The following PINX1 variants were observed in gnomAD, a reference collection of about 807,000 sequenced individuals.
PINX1 encodes PIN2/TERF1-interacting telomerase inhibitor 1.
A neutral mutation model predicts 25.4 loss-of-function variants in PINX1; 34 were observed. The ratio of observed to expected loss-of-function variants is 1.34; its 90% CI spans 1.02 to 1.78. PINX1 has a LOEUF of 1.78. Among genes scored for constraint, PINX1 ranks in the 40% most tolerant of loss-of-function variants. PINX1 has a pLI of 0.00. For missense variants in PINX1, 592 were observed against 404.9 expected (o/e 1.46, Z -3.97); for synonymous variants, 197 against 147.7 (o/e 1.33, Z -2.42).
intron 6 of PINX1, among the ~76,000 whole-genome samples, chr8:10,809,729 C>T (rs1357897215): frequency 6.6e-6 from 1 of 152,234 alleles, no homozygotes; most frequent in Non-Finnish European, 1.5e-5. Context: ...ACTGACAGCA[C>T]ACTCATCAAA....
intron 6 of PINX1, among the ~76,000 whole-genome samples, chr8:10,816,688 G>C (rs1305097216): frequency 2.0e-5 from 3 of 152,232 alleles, no homozygotes; most frequent in Non-Finnish European, 2.9e-5. Context: ...TCAACCACTG[G>C]TGTCTCTGGT....
chr8:10,795,455 C>A (rs1049889806), intron 6 of PINX1, among the ~76,000 whole-genome samples: 1 of 152,210 alleles, frequency 6.6e-6, no homozygotes, highest in East Asian at 1.9e-4. Flanking sequence ...GGCTGGAGTG[C>A]GGTGGCGCGA....
At chr8:10,810,580 C>G (rs1797473659) in intron 6 of PINX1, among the ~76,000 whole-genome samples, 1 of 152,112 alleles carries the variant, frequency 6.6e-6, no homozygotes, top group Admixed American at 6.5e-5. Context: ...AGGCATAATT[C>G]TAGATATGAG....
Position 10,772,499 on chromosome 8 carries a change from G to A in PINX1, c.472-6583C>T, listed in dbSNP as rs569307571. Among the ~76,000 whole-genome samples the A allele has an allele frequency of 1.1e-4, 16 of 152,344 alleles. No individual in the cohort carries two copies. In the South Asian group the frequency reaches 3.1e-3, roughly 30 times the overall value. On this transcript the variant is annotated intron_variant, in intron 6 of 6. Transcript: ENST00000314787. ...ACACCCAGTGTTTTATTGATGAACA[G>A]CTATTTTTACACTCACAAAAAGCTT... is the stretch of plus-strand genomic sequence containing the variant.
At chr8:10,815,868 G>C (rs1040562059) in intron 6 of PINX1, among the ~76,000 whole-genome samples, 1 of 152,164 alleles carries the variant, frequency 6.6e-6, no homozygotes, top group Non-Finnish European at 1.5e-5. Flanking sequence ...TCATAAAATA[G>C]AAAATAACAC....
intron 6 of PINX1, among the ~76,000 whole-genome samples, chr8:10,812,075 G>A (rs1320547827): frequency 6.6e-6 from 1 of 152,196 alleles, no homozygotes; most frequent in East Asian, 1.9e-4. Flanking sequence ...TACCCAAGGT[G>A]AAGGTAACTT....
chr8:10,838,094 G>A (rs1490988840), intron 1 of PINX1, among the ~76,000 whole-genome samples: 1 of 152,192 alleles, frequency 6.6e-6, no homozygotes, highest in Non-Finnish European at 1.5e-5. Context: ...TCCGTTTACT[G>A]TCCATAAATA....
chr8:10,796,981 G>A (rs113671577), intron 6 of PINX1, among the ~76,000 whole-genome samples: 16 of 151,978 alleles, frequency 1.1e-4, no homozygotes, highest in Non-Finnish European at 2.4e-4. Flanking sequence ...GGGAAACTCT[G>A]CCCTACAGCA....
At position 10,834,711 on chromosome 8, in the gene PINX1, C is replaced by T. The variant is rs749176271; in HGVS notation, c.84G>A (p.Lys28=). The change falls in exon 2 of 7, where the codon AAG becomes AAA. Residue 28 remains lysine, a synonymous_variant. Transcript: ENST00000314787. ...TCTTCTCTAGCATCCGCTGGCCAAA[C>T]TTGGAATCGTCATTACTCCAGGCAG... The part of the protein sequence containing the change: ...QNTAWSNDDS[K]FGQRMLEKMG... 6.2e-7 allele frequency: 1 copy of T among 1,613,986 alleles called. No homozygotes were observed.
intron 6 of PINX1, among the ~76,000 whole-genome samples, chr8:10,798,832 A>G (rs1802171988): frequency 6.6e-6 from 1 of 152,200 alleles, no homozygotes. Context: ...CAGAGCCTAC[A>G]ATATGCATTT....
intron 6 of PINX1, among the ~76,000 whole-genome samples, chr8:10,784,458 C>T (rs1037788694): frequency 7.9e-5 from 12 of 152,198 alleles, no homozygotes; most frequent in African/African-American, 2.9e-4. Context: ...ACTAACTGCA[C>T]TGATTCCCAA....
At position 10,765,577 on chromosome 8, in the gene PINX1, T is replaced by C. The variant is rs1317983005; in HGVS notation, c.811A>G (p.Lys271Glu). The C allele has an allele frequency of 1.9e-6, 3 of 1,613,604 alleles. No individual in the cohort carries two copies. Among genetic ancestry groups the C allele is most frequent in the Non-Finnish European group, 2.5e-6 (3 of 1,179,878 alleles). ...TCCCCTGCATCCTGAGCAGAGGCCT[T>C]GGAACTCTGGTCCCAGCAGGGGCCT... ...LRGPCWDQSS[K>E]ASAQDAGDHV... The change falls in exon 7 of 7, where the codon AAG (lysine) becomes GAG (glutamate). Residue 271 changes from lysine to glutamate, a missense_variant. Physicochemically the swap from Lys to Glu is moderately conservative, Grantham distance 56. Coordinates refer to ENST00000314787, the MANE Select transcript of PINX1 (RefSeq NM_017884.6).
chr8:10,783,202 C>A (rs368418718), intron 6 of PINX1, among the ~76,000 whole-genome samples: 3 of 152,204 alleles, frequency 2.0e-5, no homozygotes, highest in East Asian at 3.9e-4. Context: ...TAATAGTATG[C>A]AATTACTATA....
chr8:10,818,649 T>C lies in PINX1; in HGVS notation c.471+1544A>G, dbSNP rs1470775664. 2.0e-5 allele frequency among the ~76,000 whole-genome samples: 3 copies of C among 151,882 alleles called. No homozygotes were observed. The East Asian group carries it at 5.8e-4, about 29-fold the overall frequency. On this transcript the variant is annotated intron_variant, in intron 6 of 6. Transcript: ENST00000314787. Reference sequence around the variant, plus strand: ...ACGTGCAGGGATGTGGAAACGCCAGTACAGAAGGCACGTGAGCCCCACGGG... The same window carrying C: ...ACGTGCAGGGATGTGGAAACGCCAGCACAGAAGGCACGTGAGCCCCACGGG...
chr8:10,795,874 AT>A (rs58547733), intron 6 of PINX1, among the ~76,000 whole-genome samples: 24,570 of 149,808 alleles, frequency 0.16, 2,470 homozygotes, highest in Non-Finnish European at 0.23. Context: ...ATCCCATTTG[AT>A]TTTTTTTTTT....
At chr8:10,805,502 A>G (rs56309441) in intron 6 of PINX1, among the ~76,000 whole-genome samples, 1,566 of 110,870 alleles carry the variant, frequency 0.014, 126 homozygotes, top group African/African-American at 0.018. Context: ...TGAGTGGGTG[A>G]CAGAGCACAG....
At chr8:10,819,310 G>C (rs925971421) in intron 6 of PINX1, among the ~76,000 whole-genome samples, 1 of 152,122 alleles carries the variant, frequency 6.6e-6, no homozygotes. Context: ...TGTCAGTCTG[G>C]AAAAATGCCA....
chr8:10,838,801 C>G (rs6601536), intron 1 of PINX1, among the ~76,000 whole-genome samples: 84,733 of 152,036 alleles, frequency 0.56, 24,800 homozygotes, highest in African/African-American at 0.7. Context: ...CCATTTTCTA[C>G]CTCAATGACT....
At chr8:10,829,098 C>T (rs896158997) in intron 4 of PINX1, among the ~76,000 whole-genome samples, 7 of 151,880 alleles carry the variant, frequency 4.6e-5, no homozygotes, top group African/African-American at 1.5e-4. Flanking sequence ...CCAGCCTGAC[C>T]AACATGGTGA....
Sources: gnomAD v4.1 joint callset for allele counts (sites outside exome capture counted in the v4.1 genomes callset) on GRCh38, gnomAD v4.1.1 for gene constraint, MANE v1.5 for transcripts, NCBI Gene and HGNC (gene_info 2026-07-23, HGNC 2026-07-21) for gene names.